The following AGBL1 variants were observed in gnomAD, a reference collection of about 807,000 sequenced individuals.
AGBL1 encodes the protein cytosolic carboxypeptidase 4.
In AGBL1, 130 loss-of-function variants were observed where a neutral mutation model predicts 118.9. The observed-to-expected ratio is 1.09, with a 90% CI of 0.95 to 1.26. The LOEUF (loss-of-function observed/expected upper bound fraction) is 1.26. Among genes scored for constraint, AGBL1 ranks in the 50% most tolerant of loss-of-function variants. The pLI is 0.00. For synonymous variants in AGBL1, 555 were observed against 478.9 expected (o/e 1.16, Z -2.08); for missense variants, 1,584 against 1,298.1 (o/e 1.22, Z -3.38).
intron 5 of AGBL1, among the ~76,000 whole-genome samples, chr15:86,214,146 G>A (rs898775511): frequency 6.6e-6 from 1 of 152,206 alleles, no homozygotes; most frequent in Non-Finnish European, 1.5e-5. Context: ...AGTCAGGTTT[G>A]TCTTCAATGT....
intron 18 of AGBL1, among the ~76,000 whole-genome samples, chr15:86,425,835 G>A (rs1452353498): frequency 6.6e-6 from 1 of 152,124 alleles, no homozygotes; most frequent in Non-Finnish European, 1.5e-5. Context: ...TCTAAAAGTA[G>A]GCAACTCTAT....
chr15:86,098,994 T>C (rs111551301), intron 1 of AGBL1, among the ~76,000 whole-genome samples: 2,170 of 152,314 alleles, frequency 0.014, 20 homozygotes, highest in Non-Finnish European at 0.022. Context: ...CCTTCATCAA[T>C]GTTTTGTAGT....
At chr15:86,309,214 T>C (rs2079884669) in intron 17 of AGBL1, among the ~76,000 whole-genome samples, 1 of 152,216 alleles carries the variant, frequency 6.6e-6, no homozygotes, top group Non-Finnish European at 1.5e-5. Context: ...TCAAATAGTT[T>C]GTTGTCAGTG....
chr15:86,622,641 C>T (rs565628994), intron 21 of AGBL1, among the ~76,000 whole-genome samples: 1 of 152,124 alleles, frequency 6.6e-6, no homozygotes, highest in African/African-American at 2.4e-5. Flanking sequence ...GAGGGGTCAT[C>T]CCATGCAAGG....
chr15:86,434,219 A>T (rs897471044), intron 18 of AGBL1, among the ~76,000 whole-genome samples: 4 of 152,244 alleles, frequency 2.6e-5, no homozygotes, highest in African/African-American at 9.6e-5. Flanking sequence ...TTGTCCACAC[A>T]GAGTTTTACG....
intron 22 of AGBL1, among the ~76,000 whole-genome samples, chr15:86,754,615 C>A (rs373318514): frequency 4.1e-4 from 63 of 152,136 alleles, no homozygotes; most frequent in African/African-American, 1.4e-3. Flanking sequence ...TATACCCACC[C>A]CAAGTGAGTA....
chr15:86,525,867 T>C (rs1019564437), intron 19 of AGBL1, among the ~76,000 whole-genome samples: 13 of 152,028 alleles, frequency 8.6e-5, no homozygotes, highest in Admixed American at 6.6e-5. Context: ...AATAAATAAA[T>C]GGGACCTAAT....
chr15:86,463,139 T>C (rs552865936), intron 18 of AGBL1, among the ~76,000 whole-genome samples: 2 of 152,328 alleles, frequency 1.3e-5, no homozygotes, highest in East Asian at 3.9e-4. Context: ...TTCTAACTGG[T>C]GTGAGATGGT....
intron 22 of AGBL1, among the ~76,000 whole-genome samples, chr15:86,760,498 G>A (rs2078008349): frequency 1.3e-5 from 2 of 152,020 alleles, no homozygotes; most frequent in South Asian, 4.1e-4. Context: ...AGGGATGGAG[G>A]TGCATTACGG....
chr15:86,548,558 G>A (rs532555695), intron 20 of AGBL1, among the ~76,000 whole-genome samples: 64 of 151,952 alleles, frequency 4.2e-4, no homozygotes, highest in African/African-American at 1.4e-3. Flanking sequence ...GAACAGCAGG[G>A]GTCTGTAACC....
chr15:86,381,007 T>A (rs569936920), intron 17 of AGBL1, among the ~76,000 whole-genome samples: 10 of 152,292 alleles, frequency 6.6e-5, no homozygotes, highest in Admixed American at 6.5e-4. Flanking sequence ...AAAATTGAAT[T>A]AAACACATAT....
intron 5 of AGBL1, among the ~76,000 whole-genome samples, chr15:86,179,878 A>G (rs548124900): frequency 6.6e-6 from 1 of 152,198 alleles, no homozygotes; most frequent in African/African-American, 2.4e-5. Flanking sequence ...CATACAAAAA[A>G]TTTATATTTC....
chr15:86,479,666 A>G (rs1184466523), intron 18 of AGBL1, among the ~76,000 whole-genome samples: 1 of 152,232 alleles, frequency 6.6e-6, no homozygotes, highest in Non-Finnish European at 1.5e-5. Flanking sequence ...CCATTGTGGA[A>G]GACAGTGTGG....
At chr15:87,027,680 C>A (rs143812207) in intron 24 of AGBL1, among the ~76,000 whole-genome samples, 64 of 151,894 alleles carry the variant, frequency 4.2e-4, no homozygotes, top group African/African-American at 1.3e-3. Context: ...GGTACATATA[C>A]GCCATGGAAT....
intron 22 of AGBL1, among the ~76,000 whole-genome samples, chr15:86,694,154 G>A (rs1364729629): frequency 2.0e-5 from 3 of 151,914 alleles, no homozygotes; most frequent in Non-Finnish European, 4.4e-5. Flanking sequence ...ATTTTGGTGG[G>A]AATTGCATTG....
At chr15:86,468,962 A>T (rs1411336423) in intron 18 of AGBL1, among the ~76,000 whole-genome samples, 1 of 152,088 alleles carries the variant, frequency 6.6e-6, no homozygotes, top group Non-Finnish European at 1.5e-5. Context: ...ACAAATACAA[A>T]TTGTATGTAT....
chr15:86,149,688 A>C (rs148751279), intron 3 of AGBL1, among the ~76,000 whole-genome samples: 3,817 of 152,302 alleles, frequency 0.025, 139 homozygotes, highest in African/African-American at 0.087. Context: ...GGAGACTTTA[A>C]CACCCCATTG....
At chr15:86,124,545 A>T (rs183261948) in intron 1 of AGBL1, among the ~76,000 whole-genome samples, 8 of 152,250 alleles carry the variant, frequency 5.3e-5, no homozygotes, top group African/African-American at 1.9e-4. Context: ...TAAAAAGTTT[A>T]TTAAAAATAT....
intron 1 of AGBL1, among the ~76,000 whole-genome samples, chr15:86,095,788 C>T (rs757178345): frequency 6.6e-5 from 10 of 151,306 alleles, no homozygotes; most frequent in Non-Finnish European, 1.3e-4. Flanking sequence ...AGGAACATGT[C>T]CAGCATCCAC....
Sources: gnomAD v4.1 joint callset for allele counts (sites outside exome capture counted in the v4.1 genomes callset) on GRCh38, gnomAD v4.1.1 for gene constraint, MANE v1.5 for transcripts, NCBI Gene and HGNC (gene_info 2026-07-23, HGNC 2026-07-21) for gene names.